Variants in R3HDM1 observed in about 807,000 individuals in gnomAD.
R3HDM1 encodes the protein R3H domain-containing protein 1.
In R3HDM1, 46 loss-of-function variants were observed where a neutral mutation model predicts 141.1. The observed-to-expected ratio is 0.33, with a 90% CI of 0.26 to 0.42. The LOEUF (loss-of-function observed/expected upper bound fraction) is 0.42, where lower values mean the gene tolerates loss of function less well. Ranked by LOEUF, R3HDM1 falls within the 10% of genes least tolerant of loss-of-function variation. The pLI is 1.00. For synonymous variants in R3HDM1, 435 were observed against 472.9 expected (o/e 0.92, Z 1.04); for missense variants, 1,184 against 1,368.3 (o/e 0.87, Z 2.12).
At chr2:135,666,142 C>T (rs2067459594) in intron 19 of R3HDM1, among the ~76,000 whole-genome samples, 1 of 152,174 alleles carries the variant, frequency 6.6e-6, no homozygotes, top group African/African-American at 2.4e-5. Context: ...ATGGAAGAAA[C>T]TTGTTAGGAT....
intron 21 of R3HDM1, among the ~76,000 whole-genome samples, chr2:135,687,056 G>A (rs570880723): frequency 1.6e-4 from 24 of 152,214 alleles, no homozygotes; most frequent in African/African-American, 4.3e-4. Context: ...AAAACTAGCC[G>A]GGCATGGTGG....
intron 19 of R3HDM1, among the ~76,000 whole-genome samples, chr2:135,662,677 A>C (rs530075238): frequency 1.3e-5 from 2 of 152,326 alleles, no homozygotes; most frequent in East Asian, 3.9e-4. Context: ...AAATAATGTA[A>C]ACTAGTATAT....
chr2:135,661,337 C>T lies in R3HDM1; in HGVS notation c.2096C>T (p.Ser699Phe). 6.2e-7 allele frequency: 1 copy of T among 1,613,910 alleles called. No individual in the cohort carries two copies. Among genetic ancestry groups the T allele is most frequent in the East Asian group, 2.2e-5 (1 of 44,882 alleles). ...SSQPQYRPVPSVHYNSHLNQP... is the reference protein window; with the variant it reads ...SSQPQYRPVPFVHYNSHLNQP... The stretch of plus-strand genomic sequence containing the variant: ...CAACCTCAGTATCGCCCAGTCCCTT[C>T]TGTTCATTACAATTCACATCTAAAC... Residue 699 changes from serine to phenylalanine, a missense_variant, in exon 19 of 27, where the codon TCT (serine) becomes TTT (phenylalanine). Physicochemically the swap from Ser to Phe is radical, Grantham distance 155. Around this residue, in one of 5 missense-constraint regions of R3HDM1, gnomAD observed 563 missense variants for 562.0 expected, o/e 1.00. Transcript: ENST00000683871.
At chr2:135,656,142 CA>C (rs146046724) in intron 18 of R3HDM1, among the ~76,000 whole-genome samples, 36,372 of 152,058 alleles carry the variant, frequency 0.24, 6,344 homozygotes, top group African/African-American at 0.48. Context: ...TTGACTCATA[CA>C]TACATTTTTC....
intron 21 of R3HDM1, among the ~76,000 whole-genome samples, chr2:135,692,105 G>A (rs2072491150): frequency 6.6e-6 from 1 of 151,858 alleles, no homozygotes; most frequent in Non-Finnish European, 1.5e-5. Flanking sequence ...TGTAGGCGGG[G>A]TTCACCATGT....
chr2:135,622,453 T>C (rs1306016079), intron 6 of R3HDM1: 4 of 983,766 alleles, frequency 4.1e-6, no homozygotes, highest in Non-Finnish European at 3.6e-6. Flanking sequence ...TATGCAGTTA[T>C]ATAAACTCAT....
intron 3 of R3HDM1, among the ~76,000 whole-genome samples, chr2:135,615,356 T>C (rs946687319): frequency 1.3e-5 from 2 of 152,188 alleles, no homozygotes; most frequent in African/African-American, 2.4e-5. Context: ...AAATGATAGA[T>C]ACTTTTGCCG....
intron 21 of R3HDM1, among the ~76,000 whole-genome samples, chr2:135,699,049 TA>T (rs1383382415): frequency 2.1e-4 from 28 of 131,102 alleles, no homozygotes; most frequent in Non-Finnish European, 2.3e-4. Flanking sequence ...ATAGATAAGA[TA>T]GATAAGATAG....
At chr2:135,616,086 A>G (rs2060995894) in intron 3 of R3HDM1, 66 bp from the exon 4 acceptor site, 1 of 1,490,864 alleles carries the variant, frequency 6.7e-7, no homozygotes, top group Non-Finnish European at 9.4e-7. Context: ...GTTTAGGACT[A>G]TGAATTAAGA....
chr2:135,660,718 T>A (rs1319762536), intron 18 of R3HDM1, among the ~76,000 whole-genome samples: 1 of 151,806 alleles, frequency 6.6e-6, no homozygotes, highest in Non-Finnish European at 1.5e-5. Context: ...TGGTGGCACA[T>A]GCCTGTAATC....
intron 1 of R3HDM1, chr2:135,561,482 C>A: frequency 2.4e-6 from 1 of 409,334 alleles, no homozygotes; most frequent in Non-Finnish European, 3.3e-6. Context: ...TTTGGTAGGC[C>A]AAGGCAGGCG....
chr2:135,531,767 G>A, intron 1 of R3HDM1, 134 bp downstream of exon 1: 1 of 985,720 alleles, frequency 1.0e-6, no homozygotes, highest in Non-Finnish European at 1.2e-6. Flanking sequence ...TGGAAAGGTG[G>A]CCTTCCCCGC....
At chr2:135,540,280 G>A (rs916588315) in intron 1 of R3HDM1, among the ~76,000 whole-genome samples, 2 of 152,106 alleles carry the variant, frequency 1.3e-5, no homozygotes, top group South Asian at 4.1e-4. Context: ...TTTATCCAGG[G>A]TAGTCTTGAA....
intron 15 of R3HDM1, 45 bp from the exon 16 acceptor site, chr2:135,645,334 A>T: frequency 6.6e-7 from 1 of 1,505,212 alleles, no homozygotes; most frequent in South Asian, 1.2e-5. Context: ...CCTATTTTCC[A>T]CCTGTATTCT....
intron 23 of R3HDM1, among the ~76,000 whole-genome samples, chr2:135,714,005 A>G (rs6430584): frequency 0.99 from 150,894 of 152,216 alleles, 74,803 homozygotes; most frequent in Middle Eastern, 1. Flanking sequence ...CGTGAAATTA[A>G]AAGATCACCA....
intron 19 of R3HDM1, among the ~76,000 whole-genome samples, chr2:135,672,346 T>C (rs2105335480): frequency 6.6e-6 from 1 of 152,360 alleles, no homozygotes; most frequent in Middle Eastern, 3.4e-3. Flanking sequence ...CTTCCACTTA[T>C]CACTTCACAT....
At chr2:135,705,023 A>C (rs1485135543) in intron 21 of R3HDM1, among the ~76,000 whole-genome samples, 1 of 152,172 alleles carries the variant, frequency 6.6e-6, no homozygotes, top group East Asian at 1.9e-4. Context: ...AAAGGATGTG[A>C]CTGTTATTAA....
chr2:135,676,293 G>A (rs1310067056), intron 20 of R3HDM1, among the ~76,000 whole-genome samples: 3 of 96,322 alleles, frequency 3.1e-5, no homozygotes, highest in African/African-American at 1.1e-4. Flanking sequence ...CTCCAGCCTG[G>A]GCAACAGGCA....
Position 135,604,843 on chromosome 2 carries a change from C to T in R3HDM1, c.-3C>T, listed in dbSNP as rs751134969. On this transcript the variant is annotated 5_prime_UTR_variant, in exon 3 of 27. Coordinates refer to ENST00000683871, the MANE Select transcript of R3HDM1 (RefSeq NM_001378107.1). ...CTGTAGAATTCGAAAATAACCTTTT[C>T]TAATGAGGATGTCTGATACTGTTAC... 1.2e-6 allele frequency: 2 copies of T among 1,611,508 alleles called. No homozygotes were observed. Among genetic ancestry groups the T allele is most frequent in the Admixed American group, 1.7e-5 (1 of 59,986 alleles).
Sources: allele counts gnomAD v4.1 joint callset (sites outside exome capture counted in the v4.1 genomes callset), GRCh38; gene constraint gnomAD v4.1.1; regional missense constraint gnomAD v4.1.1; transcripts MANE v1.5; gene names NCBI Gene and HGNC (gene_info 2026-07-23, HGNC 2026-07-21).